The following INSYN2A variants were observed in gnomAD, a reference collection of about 807,000 sequenced individuals.
INSYN2A encodes family with sequence similarity 196 member A.
INSYN2A carries 17 observed loss-of-function variants against 39.4 expected under a neutral mutation model. The ratio of observed to expected loss-of-function variants is 0.43; its 90% CI spans 0.30 to 0.65. INSYN2A has a LOEUF of 0.65. Among genes scored for constraint, INSYN2A ranks in the 30% least tolerant of loss-of-function variants. The pLI is 0.14. For synonymous variants in INSYN2A, 255 were observed against 265.7 expected, an observed-to-expected ratio of 0.96 and a Z score of 0.39; for missense variants, 595 against 631.2, an observed-to-expected ratio of 0.94 and a Z score of 0.61.
In INSYN2A at chr10:127,136,478, C is replaced by CAAAAAAAAAAAAAAAAAAAAA; in HGVS notation, c.*1358_*1359insTTTTTTTTTTTTTTTTTTTTT. The CAAAAAAAAAAAAAAAAAAAAA allele has an allele frequency of 1.5e-5, 1 of 67,106 alleles. No homozygotes were observed. Among genetic ancestry groups the CAAAAAAAAAAAAAAAAAAAAA allele is most frequent in the Non-Finnish European group, 3.7e-5 (1 of 27,222 alleles). 4.2% of individuals were successfully genotyped at this position (67,106 alleles called of 1,614,324 possible). ...CAAACTATTCAAAATTTAAGTTGTACAAAAAAAAAAAAAAAGGCAAAGTAA... is the reference window on the plus strand; with the variant it reads ...CAAACTATTCAAAATTTAAGTTGTACAAAAAAAAAAAAAAAAAAAAAAAAAAAAAAAAAAAAGGCAAAGTAA... On this transcript the variant is annotated 3_prime_UTR_variant, in exon 6 of 6. Coordinates refer to ENST00000522781, the MANE Select transcript of INSYN2A (RefSeq NM_001039762.3).
At chr10:127,181,525 T>C (rs950134013) in intron 2 of INSYN2A, among the ~76,000 whole-genome samples, 6 of 152,186 alleles carry the variant, frequency 3.9e-5, no homozygotes, top group Non-Finnish European at 7.3e-5. Flanking sequence ...GTAAGATAGC[T>C]AGGCAAGCAG....
At chr10:127,144,217 C>T (rs1429473577) in intron 5 of INSYN2A, among the ~76,000 whole-genome samples, 1 of 152,192 alleles carries the variant, frequency 6.6e-6, no homozygotes. Flanking sequence ...CAAACTCCTT[C>T]TCAAATCCCT....
intron 1 of INSYN2A, among the ~76,000 whole-genome samples, chr10:127,194,947 C>G (rs2057002563): frequency 6.6e-6 from 1 of 152,210 alleles, no homozygotes; most frequent in Admixed American, 6.5e-5. Flanking sequence ...GCGCGTGCAG[C>G]TCCCCAGCAC....
At chr10:127,160,530 T>G (rs1235488872) in intron 4 of INSYN2A, among the ~76,000 whole-genome samples, 1 of 152,194 alleles carries the variant, frequency 6.6e-6, no homozygotes, top group Non-Finnish European at 1.5e-5. Context: ...TTTAAATGCC[T>G]TGTTAATTTT....
intron 5 of INSYN2A, among the ~76,000 whole-genome samples, chr10:127,145,744 C>T (rs140455792): frequency 7.2e-4 from 110 of 152,298 alleles, no homozygotes; most frequent in African/African-American, 2.5e-3. Flanking sequence ...CAGCCCGGAA[C>T]CCTGGTTTCT....
chr10:127,162,447 C>T (rs2053668383), intron 4 of INSYN2A, among the ~76,000 whole-genome samples: 1 of 152,188 alleles, frequency 6.6e-6, no homozygotes, highest in Non-Finnish European at 1.5e-5. Context: ...CCCTGGCAAC[C>T]TCAACACAAA....
chr10:127,171,453 G>T (rs1362493342), intron 4 of INSYN2A, among the ~76,000 whole-genome samples: 1 of 152,190 alleles, frequency 6.6e-6, no homozygotes, highest in Admixed American at 6.5e-5. Context: ...ACCCCTTTGG[G>T]CCAGGTCAGA....
chr10:127,164,242 G>T (rs1275276710), intron 4 of INSYN2A, among the ~76,000 whole-genome samples: 2 of 131,452 alleles, frequency 1.5e-5, no homozygotes, highest in Non-Finnish European at 3.1e-5. Flanking sequence ...GGAGTGCAGA[G>T]GTGCGATCTG....
At chr10:127,174,458 T>C (rs1219932472) in intron 4 of INSYN2A, among the ~76,000 whole-genome samples, 1 of 152,224 alleles carries the variant, frequency 6.6e-6, no homozygotes, top group Non-Finnish European at 1.5e-5. Context: ...TTAGGTCATT[T>C]GTTTTTAAAG....
At chr10:127,193,935 C>A (rs551338918) in intron 1 of INSYN2A, among the ~76,000 whole-genome samples, 1 of 152,264 alleles carries the variant, frequency 6.6e-6, no homozygotes, top group South Asian at 2.1e-4. Context: ...GCCTTGTTAG[C>A]CTATTTCTTA....
At chr10:127,193,570 C>T (rs533786505) in intron 1 of INSYN2A, among the ~76,000 whole-genome samples, 4 of 152,240 alleles carry the variant, frequency 2.6e-5, no homozygotes, top group African/African-American at 4.8e-5. Context: ...CATGGCTGGG[C>T]GCAAACAAGA....
rs2050638120 is a variant in INSYN2A, at chr10:127,135,770, CATT to C, written c.*2064_*2066del. On this transcript the variant is annotated 3_prime_UTR_variant, in exon 6 of 6. Coordinates refer to ENST00000522781, the MANE Select transcript of INSYN2A (RefSeq NM_001039762.3). ...GGTCTAGACTGGTGTGAAACAGTGA[CATT>C]ATTTTGTGTACTAGGATGTCCTCTT... 6.6e-6 allele frequency: 1 copy of C among 152,440 alleles called. No individual in the cohort carries two copies. The highest frequency in any genetic ancestry group is 6.6e-5 in the Admixed American group (1 of 15,266). The allele number at this position is 152,440 out of a possible 1,614,324, so 9.4% of individuals were successfully genotyped here.
intron 4 of INSYN2A, among the ~76,000 whole-genome samples, chr10:127,161,801 CAG>C (rs1304776537): frequency 6.6e-6 from 1 of 152,148 alleles, no homozygotes; most frequent in African/African-American, 2.4e-5. Flanking sequence ...TCGCCAGTCA[CAG>C]AGGAGATGGC....
At chr10:127,178,288 A>G (rs1231497351) in intron 2 of INSYN2A, among the ~76,000 whole-genome samples, 1 of 152,226 alleles carries the variant, frequency 6.6e-6, no homozygotes, top group African/African-American at 2.4e-5. Context: ...ATCATGTGTA[A>G]GAACAACAAA....
In INSYN2A at chr10:127,175,992, G is replaced by T. The variant is rs1176317750; in HGVS notation, c.404C>A (p.Pro135His). 6.2e-7 allele frequency: 1 copy of T among 1,614,062 alleles called. No homozygotes were observed. The highest frequency in any genetic ancestry group is 8.5e-7 in the Non-Finnish European group (1 of 1,180,056). ...GNLKSLPAAD[P>H]FKSQNNGFLT... ...AAACCCATTGTTTTGGCTTTTAAAG[G>T]GATCTGCAGCTGGGAGGCTTTTGAG... Residue 135 changes from proline to histidine, a missense_variant, in exon 4 of 6, where the codon CCC becomes CAC. Coordinates refer to ENST00000522781, the MANE Select transcript of INSYN2A (RefSeq NM_001039762.3). This position sits in a 1 kb window ranked among gnomAD's most constrained non-coding sequence, Gnocchi z 6.3.
In INSYN2A at chr10:127,137,708, G is replaced by T. The variant is rs555869508; in HGVS notation, c.*129C>A. 3.8e-6 allele frequency: 3 copies of T among 795,274 alleles called. No homozygotes were observed. The highest frequency in any genetic ancestry group is 3.4e-5 in the African/African-American group (2 of 58,040). 49.3% of individuals were successfully genotyped at this position (795,274 alleles called of 1,614,324 possible). A position where few individuals can be genotyped will look rare whatever the true frequency, so the allele number is the denominator to read the frequency against. Reference sequence around the variant, plus strand: ...ATTGGTACAAAGGCCTTTTTGGTACGCAGGGCGAGAAGTGGGAGGTGCCTG... The same window carrying T: ...ATTGGTACAAAGGCCTTTTTGGTACTCAGGGCGAGAAGTGGGAGGTGCCTG... On this transcript the variant is annotated 3_prime_UTR_variant, in exon 6 of 6. Transcript: ENST00000522781.
chr10:127,151,813 G>T (rs1446169815), intron 5 of INSYN2A, among the ~76,000 whole-genome samples: 1 of 152,168 alleles, frequency 6.6e-6, no homozygotes, highest in Non-Finnish European at 1.5e-5. Context: ...TGGACCAGTG[G>T]CTGATGTATT....
Position 127,142,113 on chromosome 10 carries a change from C to A in INSYN2A, c.1257-4093G>T, listed in dbSNP as rs11016447. 6.6e-3 allele frequency among the ~76,000 whole-genome samples: 1,004 copies of A among 152,292 alleles called. 4 individuals are homozygous for A. Among genetic ancestry groups the A allele is most frequent in the Admixed American group, 0.012 (177 of 15,306 alleles). Reference sequence around the variant, plus strand: ...CCCCTTTTCACTTGCCTGTGGACAGCAGGTGGAGGTCTAGCTGGATGTTTT... The same window carrying A: ...CCCCTTTTCACTTGCCTGTGGACAGAAGGTGGAGGTCTAGCTGGATGTTTT... On this transcript the variant is annotated intron_variant, in intron 5 of 5. Coordinates refer to ENST00000522781, the MANE Select transcript of INSYN2A (RefSeq NM_001039762.3).
At chr10:127,140,373 T>C (rs944355033) in intron 5 of INSYN2A, among the ~76,000 whole-genome samples, 11 of 152,164 alleles carry the variant, frequency 7.2e-5, no homozygotes, top group African/African-American at 2.7e-4. Context: ...GGCAGGTTCC[T>C]TGGTAGAGGG....
Sources: allele counts gnomAD v4.1 joint callset (sites outside exome capture counted in the v4.1 genomes callset), GRCh38; gene constraint gnomAD v4.1.1; non-coding constraint Gnocchi (gnomAD v3.1); transcripts MANE v1.5; gene names NCBI Gene and HGNC (gene_info 2026-07-23, HGNC 2026-07-21).